Variants in DIPK1A observed in about 807,000 individuals in gnomAD.
DIPK1A encodes the protein family with sequence similarity 69 member A.
Under a neutral mutation model 40.8 loss-of-function variants are expected in DIPK1A, and 27 were observed. The observed-to-expected ratio is 0.66, with a 90% confidence interval of 0.49 to 0.91. The LOEUF is 0.91. Ranked by LOEUF, DIPK1A falls within the 40% of genes least tolerant of loss-of-function variation. The pLI, the probability that DIPK1A is intolerant of heterozygous loss-of-function variation, is 0.00. For synonymous variants in DIPK1A, 166 were observed against 171.3 expected (o/e 0.97, Z 0.24); for missense variants, 412 against 505.7 (o/e 0.81, Z 1.78).
At chr1:92,849,759 C>T (rs1182211941) in intron 3 of DIPK1A, among the ~76,000 whole-genome samples, 1 of 151,940 alleles carries the variant, frequency 6.6e-6, no homozygotes, top group Non-Finnish European at 1.5e-5. Context: ...AGTGACCTAC[C>T]GCCTCAGCCT....
At chr1:92,949,529 G>C (rs190209025) in intron 1 of DIPK1A, among the ~76,000 whole-genome samples, 5 of 152,086 alleles carry the variant, frequency 3.3e-5, no homozygotes, top group Admixed American at 1.3e-4. Flanking sequence ...TACCCACCTC[G>C]GCCTCCCAAA....
At chr1:92,887,554 T>C (rs1285373346) in intron 1 of DIPK1A, among the ~76,000 whole-genome samples, 1 of 152,188 alleles carries the variant, frequency 6.6e-6, no homozygotes, top group African/African-American at 2.4e-5. Context: ...TAAATGATAC[T>C]GTAGCCCCTT....
chr1:92,880,546 G>T (rs1436320072), intron 1 of DIPK1A, among the ~76,000 whole-genome samples: 2 of 152,170 alleles, frequency 1.3e-5, no homozygotes, highest in Admixed American at 1.3e-4. Context: ...AAAATAGGCA[G>T]AAAGAGGCAA....
chr1:92,840,597 C>T (rs769164692), downstream of DIPK1A: 1 of 1,612,528 alleles, frequency 6.2e-7, no homozygotes, highest in Admixed American at 1.7e-5. Flanking sequence ...CGAGAGAATC[C>T]AGTCTATGAA....
intron 1 of DIPK1A, among the ~76,000 whole-genome samples, chr1:92,951,420 G>A (rs1237218227): frequency 6.6e-6 from 1 of 152,150 alleles, no homozygotes; most frequent in Non-Finnish European, 1.5e-5. Flanking sequence ...AAAGAATCTG[G>A]AAGCCGAATC....
intron 1 of DIPK1A, chr1:92,876,991 C>T: frequency 1.0e-6 from 1 of 985,266 alleles, no homozygotes; most frequent in Non-Finnish European, 1.2e-6. Context: ...GTTCAGCGAA[C>T]CAAATGTTTC....
chr1:92,911,300 C>T lies in DIPK1A; in HGVS notation c.55-34870G>A, dbSNP rs138741483. On this transcript the variant is annotated intron_variant, in intron 1 of 4. Transcript: ENST00000370310. Reference sequence around the variant, plus strand: ...AGAAAGCTGTCTTGTTCCTTCCACCCTGTGGGAACACATCTAGAAGGTACC... The same window carrying T: ...AGAAAGCTGTCTTGTTCCTTCCACCTTGTGGGAACACATCTAGAAGGTACC... Among the ~76,000 whole-genome samples the T allele has an allele frequency of 1.5e-3, 225 of 152,338 alleles. 1 individual carries two copies. Among genetic ancestry groups the T allele is most frequent in the African/African-American group, 5.3e-3 (219 of 41,580 alleles).
At chr1:92,837,122 C>G (rs1687161083) in intron 4 of DIPK1A, 2 of 400,034 alleles carry the variant, frequency 5.0e-6, no homozygotes, top group Non-Finnish European at 9.6e-6. Context: ...TCACTTATTC[C>G]CATGTACCCA....
At chr1:92,910,939 T>C (rs563693045) in intron 1 of DIPK1A, among the ~76,000 whole-genome samples, 1 of 152,318 alleles carries the variant, frequency 6.6e-6, no homozygotes, top group East Asian at 1.9e-4. Context: ...GTATCCCTCA[T>C]GTTGCCTTTT....
Position 92,847,164 on chromosome 1 carries a change from T to C in DIPK1A, c.474+19A>G, listed in dbSNP as rs1687667832. On this transcript the variant is annotated intron_variant, in intron 4 of 4. Coordinates refer to ENST00000370310, the MANE Select transcript of DIPK1A (RefSeq NM_001006605.5). ...AGAGTCCCACTTCACACTAGCAACA[T>C]ATGAATGGGTATGCTTACCTTAAAG... 1 of 1,477,756 alleles carries C rather than the reference T, an allele frequency of 6.8e-7. No homozygotes were observed. The highest frequency in any genetic ancestry group is 9.1e-7 in the Non-Finnish European group (1 of 1,103,814). 91.5% of individuals were successfully genotyped at this position (1,477,756 alleles called of 1,614,324 possible).
chr1:92,870,526 T>C (rs1202229161), intron 2 of DIPK1A, among the ~76,000 whole-genome samples: 1 of 152,188 alleles, frequency 6.6e-6, no homozygotes, highest in Non-Finnish European at 1.5e-5. Flanking sequence ...GCGCCCAGCC[T>C]GGATTTTGAT....
intron 1 of DIPK1A, among the ~76,000 whole-genome samples, chr1:92,882,250 T>C (rs934662314): frequency 3.3e-5 from 5 of 152,332 alleles, no homozygotes; most frequent in Non-Finnish European, 7.3e-5. Flanking sequence ...TAGCTGGGCA[T>C]GATGGCATGC....
In DIPK1A at chr1:92,891,333, A is replaced by G. The variant is rs555456121; in HGVS notation, c.55-14903T>C. 3.0e-3 allele frequency among the ~76,000 whole-genome samples: 449 copies of G among 149,412 alleles called. 1 individual carries two copies. The highest frequency in any genetic ancestry group is 0.01 in the African/African-American group (416 of 40,630). ...TGATCTTTATTATTTATTTATTTCT[A>G]ATTTTGGGTTTGGTTTATTCTTGCT... On this transcript the variant is annotated intron_variant, in intron 1 of 4. Transcript: ENST00000370310.
chr1:92,894,612 A>T (rs1168915930), intron 1 of DIPK1A, among the ~76,000 whole-genome samples: 3 of 152,122 alleles, frequency 2.0e-5, no homozygotes, highest in Non-Finnish European at 4.4e-5. Flanking sequence ...GCTAGAGCAA[A>T]CACATTCAAA....
intron 2 of DIPK1A, among the ~76,000 whole-genome samples, chr1:92,859,460 TAG>T (rs771385272): frequency 9.2e-5 from 14 of 152,226 alleles, no homozygotes; most frequent in Non-Finnish European, 2.1e-4. Context: ...TCGGTTATAA[TAG>T]AGTCTGCAAT....
At chr1:92,906,443 T>A (rs1299722620) in intron 1 of DIPK1A, among the ~76,000 whole-genome samples, 2 of 152,194 alleles carry the variant, frequency 1.3e-5, no homozygotes, top group African/African-American at 4.8e-5. Context: ...CAACTTATCA[T>A]CCAACTAGTA....
At chr1:92,954,382 TTTTTTTTTG>T (rs1386079716) in intron 1 of DIPK1A, among the ~76,000 whole-genome samples, 3 of 11,198 alleles carry the variant, frequency 2.7e-4, no homozygotes, top group Non-Finnish European at 7.2e-4. Flanking sequence ...TTTTTTTTTT[TTTTTTTTTG>T]TTTTGAGACA....
intron 1 of DIPK1A, among the ~76,000 whole-genome samples, chr1:92,902,179 T>C (rs1388990592): frequency 6.6e-6 from 1 of 152,132 alleles, no homozygotes; most frequent in Non-Finnish European, 1.5e-5. Flanking sequence ...GGATGCAGAG[T>C]GCTGCTTCAA....
intron 1 of DIPK1A, among the ~76,000 whole-genome samples, chr1:92,902,837 A>G (rs1480334571): frequency 2.6e-5 from 4 of 151,974 alleles, no homozygotes; most frequent in Admixed American, 2.6e-4. Flanking sequence ...ACCCTCCTTC[A>G]GTTATTTTCA....
Sources: gnomAD v4.1 joint callset for allele counts (sites outside exome capture counted in the v4.1 genomes callset) on GRCh38, gnomAD v4.1.1 for gene constraint, MANE v1.5 for transcripts, NCBI Gene and HGNC (gene_info 2026-07-23, HGNC 2026-07-21) for gene names.